CUX1: variants seen among roughly 807,000 people sequenced by gnomAD.
CUX1 encodes the protein protein CASP.
A neutral mutation model predicts 158.8 loss-of-function variants in CUX1; 31 were observed. The ratio of observed to expected loss-of-function variants is 0.20; its 90% CI spans 0.15 to 0.26. CUX1 has a LOEUF of 0.26. Ranked by LOEUF, CUX1 falls within the 10% of genes least tolerant of loss-of-function variation. The pLI, the probability that CUX1 is intolerant of heterozygous loss-of-function variation, is 1.00. For synonymous variants in CUX1, 879 were observed against 862.1 expected (o/e 1.02, Z -0.34); for missense variants, 1,589 against 2,014.6 (o/e 0.79, Z 4.04).
At chr7:102,224,706 A>G (rs1245367882) in intron 20 of CUX1, among the ~76,000 whole-genome samples, 4 of 152,092 alleles carry the variant, frequency 2.6e-5, no homozygotes, top group Non-Finnish European at 5.9e-5. Context: ...GCACAAATCC[A>G]CGCCACTGGC....
rs373747059 is a variant in CUX1, at chr7:102,023,229, A to G, written c.142-4869A>G. The stretch of plus-strand genomic sequence containing the variant: ...GACTCCATCCCCCTCCCCGCAAAAA[A>G]GTTTTTAAACGTGTTCACTGCCTCC... On this transcript the variant is annotated intron_variant, in intron 2 of 23. Transcript: ENST00000292535. 2.3e-4 allele frequency among the ~76,000 whole-genome samples: 35 copies of G among 152,182 alleles called. No homozygotes were observed. The South Asian group carries it at 2.7e-3, about 12-fold the overall frequency.
Position 102,136,329 on chromosome 7 carries a change from A to C in CUX1, c.674+21056A>C, listed in dbSNP as rs1420430370. Among the ~76,000 whole-genome samples the C allele has an allele frequency of 3.3e-5, 5 of 152,086 alleles. No homozygotes were observed. The East Asian group carries it at 5.8e-4, about 18-fold the overall frequency. On this transcript the variant is annotated intron_variant, in intron 8 of 23. Coordinates refer to ENST00000292535, the MANE Select transcript of CUX1 (RefSeq NM_181552.4). ...GTTGTTTTTAGTTTAAAAGAAAAAAAAACAACAACCTTTAGTATTTTGGTC... is the reference window on the plus strand; with the variant it reads ...GTTGTTTTTAGTTTAAAAGAAAAAACAACAACAACCTTTAGTATTTTGGTC...
intron 1 of CUX1, among the ~76,000 whole-genome samples, chr7:101,894,085 T>TG (rs1329620408): frequency 2.0e-5 from 3 of 152,244 alleles, no homozygotes; most frequent in Non-Finnish European, 4.4e-5. Flanking sequence ...GCCCGCATCT[T>TG]GGCTTTGCAC....
Position 102,105,683 on chromosome 7 carries a change from T to C in CUX1, c.530+1224T>C, listed in dbSNP as rs189863636. ...ATGCGCCACCACGCCTGGCTGACTTTTGTATTTTTAGTAGAGTTGGGGTTT... is the reference window on the plus strand; with the variant it reads ...ATGCGCCACCACGCCTGGCTGACTTCTGTATTTTTAGTAGAGTTGGGGTTT... On this transcript the variant is annotated intron_variant, in intron 6 of 23. Coordinates refer to ENST00000292535, the MANE Select transcript of CUX1 (RefSeq NM_181552.4). Among the ~76,000 whole-genome samples, 582 of 151,952 alleles carry C rather than the reference T, an allele frequency of 3.8e-3. 3 individuals carry two copies. The highest frequency in any genetic ancestry group is 0.013 in the African/African-American group (556 of 41,410).
At chr7:101,967,307 G>A (rs1047868680) in intron 2 of CUX1, among the ~76,000 whole-genome samples, 15 of 152,262 alleles carry the variant, frequency 9.9e-5, no homozygotes, top group East Asian at 1.9e-4. Context: ...GAGCCACCGC[G>A]CCCGGCCAGA....
At chr7:102,196,135 AG>A in intron 14 of CUX1, among the ~76,000 whole-genome samples, 1 of 152,326 alleles carries the variant, frequency 6.6e-6, no homozygotes, top group South Asian at 2.1e-4. Flanking sequence ...AAACGCGTAC[AG>A]GTGTCTCGGG....
intron 10 of CUX1, among the ~76,000 whole-genome samples, chr7:102,177,413 CAAAAAA>C (rs1219318950): frequency 2.8e-5 from 3 of 106,120 alleles, no homozygotes; most frequent in African/African-American, 9.4e-5. Context: ...AACTCTATCT[CAAAAAA>C]AAAAAAAAAA....
rs2132713323 is a variant in CUX1 at position 102,257,621 on chromosome 7, C to G, written c.*8579C>G. 4 of 985,376 alleles carry G rather than the reference C, an allele frequency of 4.1e-6. No homozygotes were observed. The highest frequency in any genetic ancestry group is 1.1e-4 in the East Asian group (1 of 8,818). The allele number at this position is 985,376 out of a possible 1,614,324, so 61.0% of individuals were successfully genotyped here. A position where few individuals can be genotyped will look rare whatever the true frequency, so the allele number is the denominator to read the frequency against. On this transcript the variant is annotated 3_prime_UTR_variant, in exon 24 of 24. Coordinates refer to ENST00000292535, the MANE Select transcript of CUX1 (RefSeq NM_181552.4). ...TGCTTGCCTTGAGAGCGGGTAGCAC[C>G]ACGCTCCTGTCCAGACTACTAACAG... is the stretch of plus-strand genomic sequence containing the variant.
At chr7:102,017,290 C>CA (rs10629776) in intron 2 of CUX1, among the ~76,000 whole-genome samples, 1,723 of 131,614 alleles carry the variant, frequency 0.013, 49 homozygotes, top group African/African-American at 0.034. Context: ...GACTCCATCT[C>CA]AAAAAAAAAA....
At chr7:102,004,036 TA>T (rs1032313127) in intron 2 of CUX1, among the ~76,000 whole-genome samples, 2 of 152,194 alleles carry the variant, frequency 1.3e-5, no homozygotes, top group African/African-American at 4.8e-5. Context: ...CTGAATTTCC[TA>T]AAAAATACAG....
At chr7:102,025,089 G>T (rs4727515) in intron 2 of CUX1, among the ~76,000 whole-genome samples, 2 of 152,090 alleles carry the variant, frequency 1.3e-5, no homozygotes, top group East Asian at 1.9e-4. Context: ...CCTCTGCGTC[G>T]GTCCTCAGAT....
chr7:102,011,365 C>A (rs937317606), intron 2 of CUX1, among the ~76,000 whole-genome samples: 2 of 151,938 alleles, frequency 1.3e-5, no homozygotes, highest in Non-Finnish European at 2.9e-5. Flanking sequence ...CCCGAGACCA[C>A]CAATGCGTTT....
chr7:101,999,898 G>C (rs1022327386), intron 2 of CUX1, among the ~76,000 whole-genome samples: 1 of 152,056 alleles, frequency 6.6e-6, no homozygotes, highest in Non-Finnish European at 1.5e-5. Flanking sequence ...GTGTGTGTGC[G>C]TGTGTGTGTG....
intron 19 of CUX1, chr7:102,280,784 G>T: frequency 6.2e-7 from 1 of 1,612,420 alleles, no homozygotes. Flanking sequence ...GTCCTTTCCT[G>T]ACTGTCCCTC....
At chr7:102,202,587 T>C (rs1795562430) in intron 18 of CUX1, among the ~76,000 whole-genome samples, 1 of 152,118 alleles carries the variant, frequency 6.6e-6, no homozygotes, top group African/African-American at 2.4e-5. Flanking sequence ...CAAGGGGAGC[T>C]GAGAGGCACC....
intron 12 of CUX1, 108 bp downstream of exon 12, chr7:102,189,979 C>A: frequency 8.8e-7 from 1 of 1,139,626 alleles, no homozygotes; most frequent in Non-Finnish European, 1.3e-6. Flanking sequence ...CCCTCTGGCT[C>A]AGCAGATGCC....
Position 102,255,528 on chromosome 7 carries a change from ATAATGT to A in CUX1, c.*6490_*6495del. 1.0e-6 allele frequency: 1 copy of A among 978,408 alleles called. No homozygotes were observed. Among genetic ancestry groups the A allele is most frequent in the Non-Finnish European group, 1.2e-6 (1 of 823,216 alleles). The allele number at this position is 978,408 out of a possible 1,614,324, so 60.6% of individuals were successfully genotyped here. On this transcript the variant is annotated 3_prime_UTR_variant, in exon 24 of 24. Coordinates refer to ENST00000292535, the MANE Select transcript of CUX1 (RefSeq NM_181552.4). ...TTCATGAATCCTTTTAGTTTACCCG[ATAATGT>A]TAAGAAAGCATTAGTCTACGTTACT...
intron 3 of CUX1, among the ~76,000 whole-genome samples, chr7:102,065,486 G>C (rs774677157): frequency 6.6e-6 from 1 of 152,188 alleles, no homozygotes; most frequent in Non-Finnish European, 1.5e-5. Context: ...GAGCCACTGC[G>C]CCCAGCCTTG....
chr7:101,940,512 G>T (rs1452728765), intron 2 of CUX1, among the ~76,000 whole-genome samples: 1 of 151,522 alleles, frequency 6.6e-6, no homozygotes, highest in African/African-American at 2.4e-5. Context: ...TCCTCCCTTC[G>T]ATCTCTGAAT....
Sources: gnomAD v4.1 joint callset for allele counts (sites outside exome capture counted in the v4.1 genomes callset) on GRCh38, gnomAD v4.1.1 for gene constraint, MANE v1.5 for transcripts, NCBI Gene and HGNC (gene_info 2026-07-23, HGNC 2026-07-21) for gene names.